The following GRB10 variants were observed in gnomAD, a reference collection of about 807,000 sequenced individuals.
GRB10 encodes growth factor receptor bound protein 10, also known as growth factor receptor-bound protein 10.
A neutral mutation model predicts 80.9 loss-of-function variants in GRB10; 20 were observed. The ratio of observed to expected loss-of-function variants is 0.25; its 90% confidence interval spans 0.17 to 0.36. The LOEUF is 0.36. Among genes scored for constraint, GRB10 ranks in the 10% least tolerant of loss-of-function variants. GRB10 has a pLI of 1.00. For synonymous variants in GRB10, 291 were observed against 291.5 expected (o/e 1.00, Z 0.02); for missense variants, 548 against 747.7 (o/e 0.73, Z 3.12).
chr7:50,742,478 G>A (rs1247334406), intron 3 of GRB10, among the ~76,000 whole-genome samples: 4 of 152,150 alleles, frequency 2.6e-5, no homozygotes, highest in East Asian at 3.8e-4. Flanking sequence ...GATGGTCCCC[G>A]GACATACAGC....
rs185949904 is a variant in GRB10, at chr7:50,637,758, A to C, written c.505-10780T>G. Reference sequence around the variant, plus strand: ...AGCTTGAATAGCCACAGCAATTCTAAGCAAAAAGAACAAAGCCAGAGGTAT... The same window carrying C: ...AGCTTGAATAGCCACAGCAATTCTACGCAAAAAGAACAAAGCCAGAGGTAT... On this transcript the variant is annotated intron_variant, in intron 7 of 18. Transcript: ENST00000401949. Among the ~76,000 whole-genome samples the C allele has an allele frequency of 3.3e-5, 5 of 152,322 alleles. No homozygotes were observed. The East Asian group carries it at 9.6e-4, about 29-fold the overall frequency.
chr7:50,743,457 C>T (rs2072269144), intron 3 of GRB10, among the ~76,000 whole-genome samples: 1 of 152,230 alleles, frequency 6.6e-6, no homozygotes, highest in Non-Finnish European at 1.5e-5. Flanking sequence ...CTGCGAAGCA[C>T]AGCACCACTT....
At position 50,774,998 on chromosome 7, in the gene GRB10, A is replaced by C. The variant is rs562420717; in HGVS notation, c.-217+5629T>G. On this transcript the variant is annotated intron_variant, in intron 2 of 18. Transcript: ENST00000401949. ...ATCTCTAATACCAAAAACAAAACAA[A>C]ACAAAAAAAAAAACTAGCTGGGCGT... Among the ~76,000 whole-genome samples, 172 of 149,942 alleles carry C rather than the reference A, an allele frequency of 1.1e-3. 1 individual carries two copies. In the South Asian group the frequency reaches 0.026, roughly 23 times the overall value.
At chr7:50,627,021 G>A (rs780998077) in intron 7 of GRB10, 43 bp from the exon 8 acceptor site, 12 of 1,597,724 alleles carry the variant, frequency 7.5e-6, no homozygotes, top group Non-Finnish European at 9.4e-6. Context: ...ACAACTTCGG[G>A]CTTTCAAGAA....
At chr7:50,599,192 G>A (rs2047174070) in intron 17 of GRB10, among the ~76,000 whole-genome samples, 1 of 152,174 alleles carries the variant, frequency 6.6e-6, no homozygotes, top group Non-Finnish European at 1.5e-5. Flanking sequence ...GGGGATGGGA[G>A]GGGAGCTGCC....
At position 50,621,152 on chromosome 7, in the gene GRB10, C is replaced by A. The variant is rs943855399; in HGVS notation, c.662-1867G>T. On this transcript the variant is annotated intron_variant, in intron 8 of 18. Coordinates refer to ENST00000401949, the MANE Select transcript of GRB10 (RefSeq NM_001350814.2). The stretch of plus-strand genomic sequence containing the variant: ...AAGGGGGTGGCCAAACCCACGCAGG[C>A]GCCCATCCTTGTGGACAATACTTTC... 6.6e-5 allele frequency among the ~76,000 whole-genome samples: 10 copies of A among 152,346 alleles called. No homozygotes were observed. In the East Asian group the frequency reaches 1.9e-3, roughly 29 times the overall value.
intron 7 of GRB10, among the ~76,000 whole-genome samples, chr7:50,656,726 CT>C (rs1456926670): frequency 6.6e-6 from 1 of 152,204 alleles, no homozygotes; most frequent in Non-Finnish European, 1.5e-5. Flanking sequence ...GAGCCACTCT[CT>C]CATTAGGGAG....
rs1172395990 is a variant in GRB10, at chr7:50,730,846, AC to A, written c.51+1425del. Among the ~76,000 whole-genome samples, 3 of 152,172 alleles carry A rather than the reference AC, an allele frequency of 2.0e-5. No homozygotes were observed. In the East Asian group the frequency reaches 5.8e-4, roughly 29 times the overall value. ...ATCTGGCCCTAAAAGCCTATTCTAT[AC>A]CCAGCCGAGGACAGCACTACGAAAA... On this transcript the variant is annotated intron_variant, in intron 4 of 18. Transcript: ENST00000401949.
At chr7:50,625,913 A>T (rs990103723) in intron 8 of GRB10, among the ~76,000 whole-genome samples, 12 of 152,246 alleles carry the variant, frequency 7.9e-5, no homozygotes, top group Non-Finnish European at 1.3e-4. Context: ...AGAGGTTTAA[A>T]TTCAATGTAT....
At chr7:50,749,087 T>C (rs957152770) in intron 3 of GRB10, among the ~76,000 whole-genome samples, 2 of 151,912 alleles carry the variant, frequency 1.3e-5, no homozygotes, top group African/African-American at 2.4e-5. Context: ...GTTAGTCAAT[T>C]CTATATAAAA....
At chr7:50,762,672 A>G (rs1225213902) in intron 2 of GRB10, among the ~76,000 whole-genome samples, 1 of 152,250 alleles carries the variant, frequency 6.6e-6, no homozygotes, top group African/African-American at 2.4e-5. Context: ...AAACATTACA[A>G]GAACTACTAA....
At chr7:50,623,483 C>T (rs1692649438) in intron 8 of GRB10, among the ~76,000 whole-genome samples, 1 of 152,216 alleles carries the variant, frequency 6.6e-6, no homozygotes, top group African/African-American at 2.4e-5. Context: ...AAGCGCAGCA[C>T]AGAGCGGGCA....
chr7:50,728,134 C>T (rs901513564), intron 4 of GRB10, among the ~76,000 whole-genome samples: 1 of 151,756 alleles, frequency 6.6e-6, no homozygotes, highest in Non-Finnish European at 1.5e-5. Flanking sequence ...CTTCCCACCT[C>T]AAGGGTTAAG....
intron 10 of GRB10, 66 bp downstream of exon 10, chr7:50,618,005 A>G (rs962739865): frequency 4.0e-6 from 5 of 1,265,410 alleles, no homozygotes; most frequent in South Asian, 1.2e-5. Context: ...CAATGCTGCC[A>G]TTCAGTTCCA....
intron 3 of GRB10, among the ~76,000 whole-genome samples, chr7:50,742,160 A>C (rs2071878171): frequency 6.6e-6 from 1 of 152,210 alleles, no homozygotes; most frequent in Non-Finnish European, 1.5e-5. Context: ...CAATGACCAT[A>C]ATTTGTCAAG....
At chr7:50,618,369 T>A (rs1303800397) in intron 9 of GRB10, among the ~76,000 whole-genome samples, 1 of 152,206 alleles carries the variant, frequency 6.6e-6, no homozygotes, top group African/African-American at 2.4e-5. Context: ...ACCAACTATG[T>A]TTACTAAGGG....
At chr7:50,758,668 G>T (rs537626553) in intron 2 of GRB10, among the ~76,000 whole-genome samples, 1 of 152,188 alleles carries the variant, frequency 6.6e-6, no homozygotes, top group East Asian at 1.9e-4. Flanking sequence ...TCTCAGAAGG[G>T]GACAGAATAC....
Position 50,614,787 on chromosome 7 carries a change from G to A in GRB10, c.1078C>T (p.His360Tyr), listed in dbSNP as rs758525378. The change falls in exon 12 of 19, where the codon CAC (histidine) becomes TAC (tyrosine). Residue 360 changes from histidine (H) to tyrosine (Y), a missense_variant. Physicochemically the swap from His to Tyr is moderately conservative, Grantham distance 83. Coordinates refer to ENST00000401949, the MANE Select transcript of GRB10 (RefSeq NM_001350814.2). The stretch of plus-strand genomic sequence containing the variant: ...GTGGGTACCTTTATGCAGAGCCCGT[G>A]GTCTGTAGGGGCGTTGTACTGCTTC... ...GRKQYNAPTD[H>Y]GLCIKPNKVR... The A allele has an allele frequency of 2.5e-6, 4 of 1,612,598 alleles. No homozygotes were observed. The highest frequency in any genetic ancestry group is 1.1e-5 in the South Asian group (1 of 91,052).
intron 18 of GRB10, among the ~76,000 whole-genome samples, chr7:50,593,643 G>C (rs57655453): frequency 6.6e-6 from 1 of 152,284 alleles, no homozygotes; most frequent in African/African-American, 2.4e-5. Flanking sequence ...ATTAAAGCAG[G>C]GGAATGCCAC....
Sources: gnomAD v4.1 joint callset for allele counts (sites outside exome capture counted in the v4.1 genomes callset) on GRCh38, gnomAD v4.1.1 for gene constraint, MANE v1.5 for transcripts, NCBI Gene and HGNC (gene_info 2026-07-23, HGNC 2026-07-21) for gene names.